RAPGEF1: variants seen among roughly 807,000 people sequenced by gnomAD.
RAPGEF1 encodes the protein CRK SH3-binding GNRP.
In RAPGEF1, 33 loss-of-function variants were observed where a neutral mutation model predicts 143.3. That is an observed-to-expected ratio of 0.23 (90% CI 0.17 to 0.31). The LOEUF is 0.31. Ranked by LOEUF, RAPGEF1 falls within the 10% of genes least tolerant of loss-of-function variation. The pLI, the probability that RAPGEF1 is intolerant of heterozygous loss-of-function variation, is 1.00. For synonymous variants in RAPGEF1, 629 were observed against 676.5 expected, an observed-to-expected ratio of 0.93 and a Z score of 1.09; for missense variants, 1,199 against 1,645.4, an observed-to-expected ratio of 0.73 and a Z score of 4.69.
chr9:131,587,011 AACAC>A (rs35594696), intron 22 of RAPGEF1, among the ~76,000 whole-genome samples: 5,636 of 23,746 alleles, frequency 0.24, 1,071 homozygotes, highest in Middle Eastern at 0.33. Flanking sequence ...CTCCGTCTCA[AACAC>A]ACACACACAC....
chr9:131,631,431 G>A (rs1228365880), intron 5 of RAPGEF1, among the ~76,000 whole-genome samples: 4 of 152,226 alleles, frequency 2.6e-5, no homozygotes, highest in South Asian at 2.1e-4. Flanking sequence ...GCTGTGCTTC[G>A]TGTGGGCGAG....
At chr9:131,730,087 A>C (rs559599498) in intron 1 of RAPGEF1, among the ~76,000 whole-genome samples, 1 of 149,912 alleles carries the variant, frequency 6.7e-6, no homozygotes, top group East Asian at 2.0e-4. Flanking sequence ...CCAGCTACTC[A>C]GGAGGCTGAG....
intron 1 of RAPGEF1, chr9:131,737,285 T>A: frequency 6.6e-7 from 1 of 1,525,742 alleles, no homozygotes; most frequent in South Asian, 1.1e-5. Flanking sequence ...CCTTCCCCTC[T>A]CTCCTCTTTC....
intron 1 of RAPGEF1, among the ~76,000 whole-genome samples, chr9:131,686,914 T>A (rs1353429400): frequency 6.6e-6 from 1 of 152,232 alleles, no homozygotes; most frequent in African/African-American, 2.4e-5. Context: ...ATTATTTAGT[T>A]GAACTATGAT....
rs149914816 is a variant in RAPGEF1 at position 131,670,002 on chromosome 9, G to A, written c.62-19053C>T. Among the ~76,000 whole-genome samples, 40 of 152,242 alleles carry A rather than the reference G, an allele frequency of 2.6e-4. No homozygotes were observed. The East Asian group carries it at 6.0e-3, about 23-fold the overall frequency. ...CCACTTCTTGTGCAGTGAGCACCCA[G>A]CACCACCGCAGGCACTCAACAGGCC... On this transcript the variant is annotated intron_variant, in intron 1 of 26. Transcript: ENST00000683357.
chr9:131,602,703 C>T (rs892088741), intron 14 of RAPGEF1, among the ~76,000 whole-genome samples: 6 of 152,234 alleles, frequency 3.9e-5, no homozygotes, highest in Admixed American at 2.0e-4. Context: ...GTCCTCAGGG[C>T]TGCAGTGCTC....
chr9:131,671,200 T>C (rs560651208), intron 1 of RAPGEF1, among the ~76,000 whole-genome samples: 1 of 152,310 alleles, frequency 6.6e-6, no homozygotes, highest in South Asian at 2.1e-4. Flanking sequence ...TTCATTGCTC[T>C]CCCTCAGCAG....
chr9:131,588,856 G>C lies in RAPGEF1; in HGVS notation c.2998C>G (p.Leu1000Val). The C allele has an allele frequency of 6.2e-7, 1 of 1,613,916 alleles. No homozygotes were observed. Among genetic ancestry groups the C allele is most frequent in the Non-Finnish European group, 8.5e-7 (1 of 1,179,836 alleles). ...TGGCTGGAGGTGGCACACCTGAGTA[G>C]CTTCTTCTGGTCCACCTTGTCCAGG... ...NILDKVDQKK[L>V]LRCATSSQPL... The change falls in exon 20 of 27, where the codon CTA becomes GTA. Residue 1000 changes from leucine (L) to valine (V), a missense_variant. By Grantham distance (32) the Leu-to-Val change is conservative. Transcript: ENST00000683357.
At chr9:131,724,600 A>T (rs1458071246) in intron 1 of RAPGEF1, among the ~76,000 whole-genome samples, 1 of 152,164 alleles carries the variant, frequency 6.6e-6, no homozygotes, top group Admixed American at 6.5e-5. Context: ...GGCTCAGAAA[A>T]AAAAAAGTCC....
chr9:131,725,987 C>T (rs902043659), intron 1 of RAPGEF1, among the ~76,000 whole-genome samples: 1 of 151,734 alleles, frequency 6.6e-6, no homozygotes, highest in Non-Finnish European at 1.5e-5. Flanking sequence ...TCTCAATCTC[C>T]TGACCTCGTG....
At chr9:131,731,069 C>A (rs1157804665) in intron 1 of RAPGEF1, among the ~76,000 whole-genome samples, 1 of 152,200 alleles carries the variant, frequency 6.6e-6, no homozygotes, top group Non-Finnish European at 1.5e-5. Flanking sequence ...GGGCTTTAGT[C>A]CTAACTTTGC....
chr9:131,726,225 A>G (rs896827499), intron 1 of RAPGEF1, among the ~76,000 whole-genome samples: 1 of 152,216 alleles, frequency 6.6e-6, no homozygotes, highest in African/African-American at 2.4e-5. Context: ...AAAAAGGACA[A>G]CTTGACGAGT....
chr9:131,621,770 T>A lies in RAPGEF1; in HGVS notation c.1905+26A>T. On this transcript the variant is annotated intron_variant, in intron 11 of 26. Coordinates refer to ENST00000683357, the MANE Select transcript of RAPGEF1 (RefSeq NM_001377935.1). This position sits in a 1 kb window ranked among gnomAD's most constrained non-coding sequence, Gnocchi z 4.5. ...AGAGACCTGCTAGGATCGGAAGTTCTAGTCACAAGGGAAGGTGTCACTCAC... is the reference window on the plus strand; with the variant it reads ...AGAGACCTGCTAGGATCGGAAGTTCAAGTCACAAGGGAAGGTGTCACTCAC... 1 of 1,580,940 alleles carries A rather than the reference T, an allele frequency of 6.3e-7. No individual in the cohort carries two copies.
At chr9:131,690,623 A>G (rs1189234071) in intron 1 of RAPGEF1, among the ~76,000 whole-genome samples, 2 of 151,922 alleles carry the variant, frequency 1.3e-5, no homozygotes, top group African/African-American at 4.8e-5. Flanking sequence ...ACATGGCAAA[A>G]CCTCATCTCT....
intron 4 of RAPGEF1, among the ~76,000 whole-genome samples, chr9:131,640,775 C>T (rs1464573697): frequency 2.0e-5 from 3 of 152,180 alleles, no homozygotes; most frequent in Admixed American, 6.5e-5. Flanking sequence ...ACGGAAGAAA[C>T]GAGAAAGGAC....
In RAPGEF1 at chr9:131,721,198, C is replaced by T. The variant is rs117410006; in HGVS notation, c.61+18572G>A. Among the ~76,000 whole-genome samples the T allele has an allele frequency of 9.2e-5, 14 of 152,240 alleles. No individual in the cohort carries two copies. The East Asian group carries it at 2.7e-3, about 29-fold the overall frequency. ...CCCTCTCCAGTGCGAATTTGTGGAA[C>T]GCGATAGATGTTAATGATTACTCCC... On this transcript the variant is annotated intron_variant, in intron 1 of 26. Coordinates refer to ENST00000683357, the MANE Select transcript of RAPGEF1 (RefSeq NM_001377935.1).
At chr9:131,711,609 C>G (rs1031181458) in intron 1 of RAPGEF1, among the ~76,000 whole-genome samples, 1 of 152,198 alleles carries the variant, frequency 6.6e-6, no homozygotes, top group African/African-American at 2.4e-5. Context: ...CCGCCCGCCT[C>G]GGCCTCCCAA....
intron 1 of RAPGEF1, among the ~76,000 whole-genome samples, 194 bp from the exon 2 acceptor site, chr9:131,651,143 G>C (rs755881777): frequency 6.6e-6 from 1 of 152,146 alleles, no homozygotes; most frequent in Admixed American, 6.5e-5. Flanking sequence ...TTTTCATCAA[G>C]GAATTGTGGA....
Position 131,703,649 on chromosome 9 carries a change from C to T in RAPGEF1, c.61+36121G>A, listed in dbSNP as rs12555808. ...AAGACTCCACCCTGGCACCTGGGCT[C>T]CAGAGTTCTAAAGAAATTTTCAAAG... On this transcript the variant is annotated intron_variant, in intron 1 of 26. Transcript: ENST00000683357. 4.8e-3 allele frequency among the ~76,000 whole-genome samples: 733 copies of T among 152,236 alleles called. 19 individuals are homozygous for T. Among genetic ancestry groups the T allele is most frequent in the East Asian group, 0.042 (216 of 5,182 alleles).
Sources: allele counts gnomAD v4.1 joint callset (sites outside exome capture counted in the v4.1 genomes callset), GRCh38; gene constraint gnomAD v4.1.1; non-coding constraint Gnocchi (gnomAD v3.1); transcripts MANE v1.5; gene names NCBI Gene and HGNC (gene_info 2026-07-23, HGNC 2026-07-21).